The following PMVK variants were observed in gnomAD, a reference collection of about 807,000 sequenced individuals.
PMVK encodes the protein phosphomevalonate kinase.
PMVK carries 10 observed loss-of-function variants against 19.0 expected under a neutral mutation model. The observed-to-expected ratio is 0.53, with a 90% CI of 0.32 to 0.89. PMVK has a LOEUF of 0.89. Among genes scored for constraint, PMVK ranks in the 40% least tolerant of loss-of-function variants. The pLI is 0.03. For synonymous variants in PMVK, 108 were observed against 101.6 expected (o/e 1.06, Z -0.38); for missense variants, 222 against 251.1 (o/e 0.88, Z 0.78).
intron 3 of PMVK, among the ~76,000 whole-genome samples, chr1:154,927,084 G>A (rs1023559779): frequency 6.6e-6 from 1 of 151,900 alleles, no homozygotes; most frequent in Non-Finnish European, 1.5e-5. Flanking sequence ...CAAAATACAC[G>A]CAAAATTGAC....
upstream of PMVK, chr1:154,936,849 C>T (rs1654524680): frequency 1.6e-6 from 1 of 626,336 alleles, no homozygotes; most frequent in East Asian, 2.8e-5. Context: ...GCGACCGTGC[C>T]CTCAGCTCAT....
intron 1 of PMVK, among the ~76,000 whole-genome samples, chr1:154,934,588 T>C (rs546666553): frequency 2.4e-4 from 36 of 152,138 alleles, no homozygotes; most frequent in Non-Finnish European, 5.1e-4. Context: ...GAAAGGAGGA[T>C]TGACTCCCCC....
At chr1:154,937,377 C>T (rs1654543830), upstream of PMVK, 1 of 152,274 alleles carries the variant, frequency 6.6e-6, no homozygotes, top group Admixed American at 6.5e-5. Context: ...AAGATGTGGC[C>T]CTTTAAGCCC....
chr1:154,927,716 C>T (rs1054249210), intron 3 of PMVK, among the ~76,000 whole-genome samples: 1 of 152,088 alleles, frequency 6.6e-6, no homozygotes, highest in African/African-American at 2.4e-5. Flanking sequence ...CAGGCACACT[C>T]ACCACTCAAG....
In PMVK at chr1:154,925,072, CAG is replaced by C. The variant is rs1454235995; in HGVS notation, c.*55_*56del. 2.2e-6 allele frequency: 3 copies of C among 1,381,668 alleles called. No homozygotes were observed. The highest frequency in any genetic ancestry group is 2.9e-6 in the Non-Finnish European group (3 of 1,025,654). 85.6% of individuals were successfully genotyped at this position (1,381,668 alleles called of 1,614,324 possible). On this transcript the variant is annotated 3_prime_UTR_variant, in exon 5 of 5. Transcript: ENST00000368467. ...AGGATCGGGGGACACCCCCATTTTG[CAG>C]AGTCAGCCCCACCCCCACCTCAGCA...
chr1:154,940,250 C>G (rs1015554716), upstream of PMVK, among the ~76,000 whole-genome samples: 7 of 152,368 alleles, frequency 4.6e-5, no homozygotes, highest in East Asian at 1.9e-4. Flanking sequence ...CTATCCTGCT[C>G]TAGCCAGATG....
chr1:154,926,279 C>T, intron 4 of PMVK, 75 bp downstream of exon 4: 1 of 1,441,092 alleles, frequency 6.9e-7, no homozygotes, highest in Non-Finnish European at 9.6e-7. Context: ...TTCACTTCCC[C>T]CAGGCCTGCC....
At chr1:154,927,448 CAAAAAAAAAAA>C (rs59872946) in intron 3 of PMVK, among the ~76,000 whole-genome samples, 10 of 35,542 alleles carry the variant, frequency 2.8e-4, no homozygotes, top group Non-Finnish European at 1.2e-4. Flanking sequence ...GACTCTGTCT[CAAAAAAAAAAA>C]AAAAAAAAAA....
chr1:154,928,456 A>G (rs1165261505), intron 3 of PMVK, among the ~76,000 whole-genome samples: 1 of 152,204 alleles, frequency 6.6e-6, no homozygotes, highest in Non-Finnish European at 1.5e-5. Flanking sequence ...GAAGAGTGAC[A>G]TCACCTGGTT....
chr1:154,934,036 G>A (rs1654426566), intron 1 of PMVK, among the ~76,000 whole-genome samples: 1 of 152,074 alleles, frequency 6.6e-6, no homozygotes, highest in South Asian at 2.1e-4. Flanking sequence ...GTCTCACTCT[G>A]TAGCCCAGGC....
At position 154,925,060 on chromosome 1, in the gene PMVK, AC is replaced by A; in HGVS notation, c.*68del. 5 of 1,074,550 alleles carry A rather than the reference AC, an allele frequency of 4.7e-6. No individual in the cohort carries two copies. The highest frequency in any genetic ancestry group is 2.1e-5 in the Admixed American group (1 of 48,352). The allele number at this position is 1,074,550 out of a possible 1,614,324, so 66.6% of individuals were successfully genotyped here. On this transcript the variant is annotated 3_prime_UTR_variant, in exon 5 of 5. Coordinates refer to ENST00000368467, the MANE Select transcript of PMVK (RefSeq NM_006556.4). ...CTCACCTCGGCCAGGATCGGGGGAC[AC>A]CCCCATTTTGCAGAGTCAGCCCCAC...
chr1:154,935,558 GT>G (rs1008313632), intron 1 of PMVK, among the ~76,000 whole-genome samples: 9 of 152,072 alleles, frequency 5.9e-5, no homozygotes, highest in East Asian at 1.9e-4. Context: ...ATTTGTTTGG[GT>G]TTTTTTTCTT....
chr1:154,929,116 TC>T lies in PMVK; in HGVS notation c.219del (p.Lys74ArgfsTer3), dbSNP rs757970165. 1.2e-6 allele frequency: 2 copies of T among 1,614,086 alleles called. No homozygotes were observed. Among genetic ancestry groups the T allele is most frequent in the Non-Finnish European group, 1.7e-6 (2 of 1,179,946 alleles). On this transcript the variant is annotated frameshift_variant, in exon 3 of 5. Transcript: ENST00000368467. LOFTEE classifies it high-confidence loss of function. ...LDTSTYKEAF[R>X]KDMIRWGEEK... ...TCCTCTCCCCAGCGGATCATGTCCT[TC>T]CGAAAGGCCTCCTTGTAGGTGCTGG...
chr1:154,925,018 A>ACCCC lies in PMVK; in HGVS notation c.*107_*110dup. 2.1e-6 allele frequency: 1 copy of ACCCC among 475,184 alleles called. No individual in the cohort carries two copies. The highest frequency in any genetic ancestry group is 3.6e-6 in the Non-Finnish European group (1 of 280,436). 29.4% of individuals were successfully genotyped at this position (475,184 alleles called of 1,614,324 possible). On this transcript the variant is annotated 3_prime_UTR_variant, in exon 5 of 5. Coordinates refer to ENST00000368467, the MANE Select transcript of PMVK (RefSeq NM_006556.4). ...ATCCACCAACCCCCTCAGAATCTAG[A>ACCCC]CCCCCCCTGTCTGTTCCTCACCTCG...
chr1:154,939,977 A>G (rs545772887), upstream of PMVK, among the ~76,000 whole-genome samples: 1 of 148,598 alleles, frequency 6.7e-6, no homozygotes, highest in South Asian at 2.1e-4. Flanking sequence ...AGGTCTTGCT[A>G]TGTTTCCCAG....
Position 154,932,311 on chromosome 1 carries a change from G to A in PMVK, c.159+41C>T, listed in dbSNP as rs148101595. On this transcript the variant is annotated intron_variant, in intron 2 of 4. Transcript: ENST00000368467. ...GCCACAGCTCCAAAGTCCTGGAGCC[G>A]GCCCCGCCCAACACACCGGATGCCA... 55 of 1,472,464 alleles carry A rather than the reference G, an allele frequency of 3.7e-5. No homozygotes were observed. The African/African-American group carries it at 5.3e-4, about 14-fold the overall frequency. The allele number at this position is 1,472,464 out of a possible 1,614,324, so 91.2% of individuals were successfully genotyped here.
chr1:154,931,123 T>C (rs1654323488), intron 2 of PMVK, among the ~76,000 whole-genome samples: 1 of 152,166 alleles, frequency 6.6e-6, no homozygotes, highest in Non-Finnish European at 1.5e-5. Context: ...AATTTAGTTA[T>C]TCTTACAATT....
intron 2 of PMVK, among the ~76,000 whole-genome samples, chr1:154,931,044 C>T (rs1002249964): frequency 6.6e-6 from 1 of 151,900 alleles, no homozygotes; most frequent in Admixed American, 6.6e-5. Context: ...AGCCATTATG[C>T]GCCACTGCAC....
chr1:154,941,091 C>A (rs977144608), upstream of PMVK, among the ~76,000 whole-genome samples: 5 of 152,296 alleles, frequency 3.3e-5, no homozygotes, highest in African/African-American at 1.2e-4. Flanking sequence ...AGGTGGGCAG[C>A]GGTGGAGACC....
Sources: allele counts gnomAD v4.1 joint callset (sites outside exome capture counted in the v4.1 genomes callset), GRCh38; gene constraint gnomAD v4.1.1; transcripts MANE v1.5; gene names NCBI Gene and HGNC (gene_info 2026-07-23, HGNC 2026-07-21).